Variants in PIGL observed in about 807,000 individuals in gnomAD.
The protein encoded by PIGL is N-acetylglucosaminyl-phosphatidylinositol de-N-acetylase.
In PIGL, 22 loss-of-function variants were observed where a neutral mutation model predicts 31.1. The observed-to-expected ratio is 0.71, with a 90% confidence interval of 0.51 to 1.01. The LOEUF is 1.01. Among genes scored for constraint, PIGL ranks in the 50% least tolerant of loss-of-function variants. The probability of loss-of-function intolerance (pLI) is 0.00; values close to 1 mark genes in which losing one functional copy is unlikely to be tolerated. For missense variants in PIGL, 302 were observed against 315.9 expected, an observed-to-expected ratio of 0.96 and a Z score of 0.33; for synonymous variants, 131 against 117.4, an observed-to-expected ratio of 1.12 and a Z score of -0.75.
intron 1 of PIGL, among the ~76,000 whole-genome samples, chr17:16,220,607 G>T (rs2092624013): frequency 6.7e-6 from 1 of 148,618 alleles, no homozygotes; most frequent in Admixed American, 6.8e-5. Flanking sequence ...TCCTGCCTCA[G>T]CCTCTGGAGT....
At chr17:16,309,984 G>A (rs137997048) in intron 3 of PIGL, among the ~76,000 whole-genome samples, 4,878 of 147,018 alleles carry the variant, frequency 0.033, 98 homozygotes, top group East Asian at 0.067. Flanking sequence ...AGGCAGAGGT[G>A]AGAGAATCTC....
At chr17:16,298,892 G>A (rs1029582357) in intron 2 of PIGL, among the ~76,000 whole-genome samples, 1 of 152,108 alleles carries the variant, frequency 6.6e-6, no homozygotes, top group South Asian at 2.1e-4. Context: ...GCTGGGTGTG[G>A]TGGCGGGTGC....
At chr17:16,259,320 A>G (rs1460238809) in intron 2 of PIGL, among the ~76,000 whole-genome samples, 1 of 150,464 alleles carries the variant, frequency 6.6e-6, no homozygotes. Context: ...ACCCTCACAT[A>G]TAGTCAATTG....
chr17:16,234,641 T>C (rs2092692396), intron 2 of PIGL, among the ~76,000 whole-genome samples: 1 of 152,148 alleles, frequency 6.6e-6, no homozygotes, highest in African/African-American at 2.4e-5. Context: ...GGCCTACGCC[T>C]GTAATCTCAG....
At chr17:16,303,770 A>AG (rs199658269) in intron 3 of PIGL, among the ~76,000 whole-genome samples, 6,330 of 151,166 alleles carry the variant, frequency 0.042, 451 homozygotes, top group African/African-American at 0.15. Context: ...GCTGGAGTGC[A>AG]GTGGCGTGAT....
intron 1 of PIGL, among the ~76,000 whole-genome samples, chr17:16,228,529 C>A (rs957337754): frequency 3.9e-5 from 6 of 152,054 alleles, no homozygotes; most frequent in African/African-American, 1.4e-4. Flanking sequence ...GCTGGGACTA[C>A]AGGCTCCCGC....
chr17:16,297,004 G>C (rs1339329293), intron 2 of PIGL, among the ~76,000 whole-genome samples: 1 of 152,184 alleles, frequency 6.6e-6, no homozygotes, highest in Non-Finnish European at 1.5e-5. Context: ...ACAGGCGTGA[G>C]CCACCGTTCC....
chr17:16,306,984 T>A (rs1600849541), intron 3 of PIGL, among the ~76,000 whole-genome samples: 1 of 152,258 alleles, frequency 6.6e-6, no homozygotes, highest in East Asian at 1.9e-4. Flanking sequence ...GCAGAGCACT[T>A]GATCCCACGG....
chr17:16,289,815 T>C (rs2092952750), intron 2 of PIGL, among the ~76,000 whole-genome samples: 1 of 152,212 alleles, frequency 6.6e-6, no homozygotes, highest in Non-Finnish European at 1.5e-5. Flanking sequence ...TCGCTCTTGT[T>C]GTCCAGGCTG....
intron 2 of PIGL, among the ~76,000 whole-genome samples, chr17:16,283,751 C>G (rs763068859): frequency 1.3e-5 from 2 of 152,216 alleles, no homozygotes; most frequent in Non-Finnish European, 2.9e-5. Context: ...TACAAAAGCT[C>G]TTATTGAATT....
intron 2 of PIGL, among the ~76,000 whole-genome samples, chr17:16,296,429 G>A (rs1340252119): frequency 6.6e-6 from 1 of 151,914 alleles, no homozygotes; most frequent in Admixed American, 6.6e-5. Context: ...GGCCAATATG[G>A]TGAAACCCCG....
At chr17:16,312,928 A>AGGGGGGGGGGG (rs869065594) in intron 3 of PIGL, 2 of 25,342 alleles carry the variant, frequency 7.9e-5, no homozygotes, top group African/African-American at 2.7e-4. Context: ...GGGAGGGGGA[A>AGGGGGGGGGGG]GGGGGGGGGA....
At chr17:16,233,779 A>G (rs2092688480) in intron 1 of PIGL, among the ~76,000 whole-genome samples, 192 bp from the exon 2 acceptor site, 2 of 152,170 alleles carry the variant, frequency 1.3e-5, no homozygotes, top group Admixed American at 1.3e-4. Context: ...TGGTGATTCT[A>G]AAGATTGTGC....
intron 1 of PIGL, among the ~76,000 whole-genome samples, chr17:16,221,129 A>C (rs1415435460): frequency 6.6e-6 from 1 of 152,182 alleles, no homozygotes; most frequent in Non-Finnish European, 1.5e-5. Flanking sequence ...AAAAACATTG[A>C]GTGCCAAGTG....
At chr17:16,266,889 G>A (rs1384632251) in intron 2 of PIGL, among the ~76,000 whole-genome samples, 15 of 125,344 alleles carry the variant, frequency 1.2e-4, no homozygotes, top group Admixed American at 1.2e-3. Context: ...GAGCCACCAC[G>A]CCTTGCTCTT....
rs1600840316 is a variant in PIGL, at chr17:16,299,569, T to C, written c.336-319T>C. Among the ~76,000 whole-genome samples, 3 of 152,360 alleles carry C rather than the reference T, an allele frequency of 2.0e-5. No homozygotes were observed. In the East Asian group the frequency reaches 5.8e-4, roughly 29 times the overall value. ...TACTAATATTCTCATAAAGTGCATA[T>C]CATCATGCCTTGTGCTCAAGTTCAT... On this transcript the variant is annotated intron_variant, in intron 2 of 6. Coordinates refer to ENST00000225609, the MANE Select transcript of PIGL (RefSeq NM_004278.4).
intron 2 of PIGL, among the ~76,000 whole-genome samples, chr17:16,246,672 C>CTTTTTTTTTTTTTTTTTTTTTTTTTTTT (rs1197171634): frequency 1.1e-4 from 7 of 64,176 alleles, no homozygotes; most frequent in East Asian, 7.0e-4. Context: ...AGATCAAGGT[C>CTTTTTTTTTTTTTTTTTTTTTTTTTTTT]TTTTTTTTTT....
At chr17:16,217,624 G>GAAA in intron 1 of PIGL, 163 bp downstream of exon 1, 1 of 556,096 alleles carries the variant, frequency 1.8e-6, no homozygotes, top group South Asian at 2.8e-5. Flanking sequence ...AGGAGCGGCC[G>GAAA]GCTTACCTGG....
At chr17:16,227,451 A>G (rs769904848) in intron 1 of PIGL, among the ~76,000 whole-genome samples, 3 of 152,074 alleles carry the variant, frequency 2.0e-5, no homozygotes, top group Admixed American at 6.6e-5. Context: ...TATGAATGCA[A>G]TCCTTTTGGG....
Sources: allele counts gnomAD v4.1 joint callset (sites outside exome capture counted in the v4.1 genomes callset), GRCh38; gene constraint gnomAD v4.1.1; transcripts MANE v1.5; gene names NCBI Gene and HGNC (gene_info 2026-07-23, HGNC 2026-07-21).